WDPCP: variants seen among roughly 807,000 people sequenced by gnomAD.
WDPCP encodes the protein WD repeat-containing and planar cell polarity effector protein fritz homolog.
WDPCP carries 71 observed loss-of-function variants against 93.1 expected under a neutral mutation model. The ratio of observed to expected loss-of-function variants is 0.76; its 90% CI spans 0.63 to 0.93. The LOEUF (loss-of-function observed/expected upper bound fraction) is 0.93. WDPCP is among the 40% of genes least tolerant of loss of function. The probability of loss-of-function intolerance (pLI) is 0.00; values close to 1 mark genes in which losing one functional copy is unlikely to be tolerated. For synonymous variants in WDPCP, 315 were observed against 315.0 expected, an observed-to-expected ratio of 1.00 and a Z score of 0.00; for missense variants, 844 against 887.4, an observed-to-expected ratio of 0.95 and a Z score of 0.62.
the WDPCP span, among the ~76,000 whole-genome samples, chr2:63,835,389 C>CAAAAAAAAAAAAA: frequency 2.4e-5 from 1 of 42,364 alleles, no homozygotes; most frequent in Non-Finnish European, 4.9e-5. Flanking sequence ...GACTCCATCT[C>CAAAAAAAAAAAAA]AAAAAAAAAA....
intron 12 of WDPCP, among the ~76,000 whole-genome samples, chr2:63,361,109 G>C (rs13009368): frequency 0.16 from 24,246 of 152,148 alleles, 2,172 homozygotes; most frequent in Admixed American, 0.24. Context: ...AGAAGGACCA[G>C]GTCAGAATTC....
At chr2:63,537,570 G>A (rs1704385470) in intron 1 of WDPCP, among the ~76,000 whole-genome samples, 1 of 152,134 alleles carries the variant, frequency 6.6e-6, no homozygotes, top group African/African-American at 2.4e-5. Flanking sequence ...GTCATACCAT[G>A]TTCCCTAGAC....
chr2:63,209,438 T>G (rs1296995069), intron 14 of WDPCP, among the ~76,000 whole-genome samples: 1 of 152,192 alleles, frequency 6.6e-6, no homozygotes, highest in Non-Finnish European at 1.5e-5. Flanking sequence ...CCTCATTGAA[T>G]TTTTTCATGT....
intron 14 of WDPCP, among the ~76,000 whole-genome samples, chr2:63,178,513 T>C (rs1673989032): frequency 6.6e-6 from 1 of 152,210 alleles, no homozygotes; most frequent in Non-Finnish European, 1.5e-5. Flanking sequence ...TAATATTCTC[T>C]TACAACCCTC....
chr2:63,205,999 T>C (rs1676310355), intron 14 of WDPCP, among the ~76,000 whole-genome samples: 1 of 152,156 alleles, frequency 6.6e-6, no homozygotes. Flanking sequence ...GGTATATTCT[T>C]TCTACACCAT....
chr2:63,716,298 A>C (rs1669336024), intron 2 of WDPCP, among the ~76,000 whole-genome samples: 1 of 152,212 alleles, frequency 6.6e-6, no homozygotes, highest in South Asian at 2.1e-4. Context: ...TAATTGCTTC[A>C]TGATTACTTT....
chr2:63,511,577 C>T (rs1575555291), intron 1 of WDPCP, among the ~76,000 whole-genome samples: 2 of 152,084 alleles, frequency 1.3e-5, no homozygotes, highest in East Asian at 1.9e-4. Flanking sequence ...AGAACAGAGG[C>T]CTCAGAAATA....
chr2:63,512,468 A>G (rs989591353), intron 1 of WDPCP, among the ~76,000 whole-genome samples: 1 of 152,228 alleles, frequency 6.6e-6, no homozygotes, highest in African/African-American at 2.4e-5. Flanking sequence ...ACTATTCACA[A>G]TAACAAAGAC....
chr2:63,204,755 C>G (rs1165655457), intron 14 of WDPCP, among the ~76,000 whole-genome samples: 2 of 151,840 alleles, frequency 1.3e-5, no homozygotes, highest in East Asian at 1.9e-4. Context: ...GTTATTAATC[C>G]CTTGTGAGAT....
intron 3 of WDPCP, among the ~76,000 whole-genome samples, chr2:63,638,613 G>A (rs1709947400): frequency 6.6e-6 from 1 of 151,978 alleles, no homozygotes; most frequent in Non-Finnish European, 1.5e-5. Flanking sequence ...AATATAGTGA[G>A]ACTCTGTCTC....
intron 12 of WDPCP, chr2:63,369,578 C>G (rs1330587608): frequency 2.2e-6 from 1 of 448,352 alleles, no homozygotes; most frequent in Non-Finnish European, 4.5e-6. Context: ...TTTGTACATC[C>G]CAAATGAAAA....
At chr2:63,510,788 A>G (rs1025601742) in intron 1 of WDPCP, among the ~76,000 whole-genome samples, 3 of 152,124 alleles carry the variant, frequency 2.0e-5, no homozygotes, top group African/African-American at 7.2e-5. Flanking sequence ...CCTGGCCAAC[A>G]TGGCAAACCC....
chr2:63,179,511 C>T (rs1193840665), intron 14 of WDPCP, among the ~76,000 whole-genome samples: 1 of 151,866 alleles, frequency 6.6e-6, no homozygotes, highest in African/African-American at 2.4e-5. Context: ...CCAGCCTTCC[C>T]TTGCTCTTCC....
At chr2:63,137,688 G>A (rs1305812805) in intron 17 of WDPCP, among the ~76,000 whole-genome samples, 2 of 152,164 alleles carry the variant, frequency 1.3e-5, no homozygotes, top group South Asian at 2.1e-4. Flanking sequence ...ATAGTTTTGG[G>A]TTTTACATTT....
At chr2:63,322,305 A>C (rs544298800) in intron 12 of WDPCP, among the ~76,000 whole-genome samples, 107 of 152,376 alleles carry the variant, frequency 7.0e-4, no homozygotes, top group African/African-American at 2.5e-3. Flanking sequence ...GGGTGGGCCC[A>C]GATAAGGGAA....
At chr2:63,693,780 T>C (rs1008093958) in intron 2 of WDPCP, among the ~76,000 whole-genome samples, 2 of 152,212 alleles carry the variant, frequency 1.3e-5, no homozygotes, top group African/African-American at 4.8e-5. Context: ...TGGGAGCTCA[T>C]TTAGCTGCTA....
intron 2 of WDPCP, among the ~76,000 whole-genome samples, chr2:63,729,800 A>G (rs1398646064): frequency 6.6e-6 from 1 of 152,178 alleles, no homozygotes; most frequent in Non-Finnish European, 1.5e-5. Flanking sequence ...TGCTTTATGT[A>G]GTGAAAAAAA....
At chr2:63,505,908 G>C (rs576601435) in intron 1 of WDPCP, among the ~76,000 whole-genome samples, 2 of 152,126 alleles carry the variant, frequency 1.3e-5, no homozygotes, top group South Asian at 4.1e-4. Context: ...GCTTGGGATG[G>C]AGGAGAAAAA....
chr2:63,769,829 G>A (rs532246057), intron 2 of WDPCP, among the ~76,000 whole-genome samples: 1 of 152,018 alleles, frequency 6.6e-6, no homozygotes, highest in Admixed American at 6.6e-5. Flanking sequence ...TTGCTGGTGG[G>A]TAACTAATTC....
Sources: gnomAD v4.1 joint callset for allele counts (sites outside exome capture counted in the v4.1 genomes callset) on GRCh38, gnomAD v4.1.1 for gene constraint, MANE v1.5 for transcripts, NCBI Gene and HGNC (gene_info 2026-07-23, HGNC 2026-07-21) for gene names.